CCDC85A: variants seen among roughly 807,000 people sequenced by gnomAD.
The protein encoded by CCDC85A is coiled-coil domain containing 85A.
CCDC85A carries 38 observed loss-of-function variants against 50.2 expected under a neutral mutation model. The ratio of observed to expected loss-of-function variants is 0.76; its 90% confidence interval spans 0.58 to 0.99. The LOEUF is 0.99. Among genes scored for constraint, CCDC85A ranks in the 50% least tolerant of loss-of-function variants. The pLI is 0.00. For synonymous variants in CCDC85A, 366 were observed against 301.4 expected, an observed-to-expected ratio of 1.21 and a Z score of -2.22; for missense variants, 820 against 742.0, an observed-to-expected ratio of 1.11 and a Z score of -1.22.
rs115174943 is a variant in CCDC85A at position 56,344,868 on chromosome 2, T to C, written c.1317+1913T>C. Among the ~76,000 whole-genome samples the C allele has an allele frequency of 3.7e-3, 569 of 152,182 alleles. 2 individuals are homozygous for C. Among genetic ancestry groups the C allele is most frequent in the African/African-American group, 0.013 (546 of 41,518 alleles). On this transcript the variant is annotated intron_variant, in intron 3 of 5. Transcript: ENST00000407595. ...CAAGTGATTTTTGTTCTTAGTTTCC[T>C]TCTGAGAAGGAATTGAGGCTGACAT...
intron 2 of CCDC85A, among the ~76,000 whole-genome samples, chr2:56,252,437 C>A (rs1184574592): frequency 6.6e-6 from 1 of 152,226 alleles, no homozygotes; most frequent in Middle Eastern, 3.4e-3. Flanking sequence ...CTTAGGCTCT[C>A]ATGGGGGTGT....
At chr2:56,304,577 A>T (rs556656162) in intron 2 of CCDC85A, among the ~76,000 whole-genome samples, 2 of 152,174 alleles carry the variant, frequency 1.3e-5, no homozygotes, top group African/African-American at 4.8e-5. Flanking sequence ...CCACAGTAAC[A>T]TTGTGATGAA....
At chr2:56,349,600 C>T (rs1429603138) in intron 3 of CCDC85A, among the ~76,000 whole-genome samples, 1 of 151,988 alleles carries the variant, frequency 6.6e-6, no homozygotes, top group Non-Finnish European at 1.5e-5. Context: ...TTTGAGGGTT[C>T]TTATTTGAGA....
chr2:56,259,119 C>G (rs1042166929), intron 2 of CCDC85A, among the ~76,000 whole-genome samples: 2 of 152,172 alleles, frequency 1.3e-5, no homozygotes, highest in African/African-American at 4.8e-5. Flanking sequence ...CCGTGCTGTG[C>G]TGACCAGTTG....
chr2:56,313,178 C>T (rs1036702800), intron 2 of CCDC85A, among the ~76,000 whole-genome samples: 3 of 152,060 alleles, frequency 2.0e-5, no homozygotes, highest in African/African-American at 4.8e-5. Flanking sequence ...GGCGACTAGT[C>T]ATGTTCTTTT....
chr2:56,250,485 G>A (rs1158581034), intron 2 of CCDC85A, among the ~76,000 whole-genome samples: 2 of 152,196 alleles, frequency 1.3e-5, no homozygotes, highest in Non-Finnish European at 2.9e-5. Flanking sequence ...TCAGGGGAAA[G>A]AAGTTAGGAA....
At chr2:56,351,099 G>A (rs1479575545) in intron 3 of CCDC85A, among the ~76,000 whole-genome samples, 3 of 134,826 alleles carry the variant, frequency 2.2e-5, no homozygotes, top group East Asian at 2.2e-4. Flanking sequence ...GAGAATATGC[G>A]GTGTTTGGTT....
chr2:56,304,808 G>A (rs764932243), intron 2 of CCDC85A, among the ~76,000 whole-genome samples: 71 of 151,960 alleles, frequency 4.7e-4, no homozygotes, highest in African/African-American at 1.7e-3. Context: ...CAGCACTTTG[G>A]GGGGCCAGGG....
chr2:56,320,162 A>G (rs1351483324), intron 2 of CCDC85A, among the ~76,000 whole-genome samples: 1 of 152,200 alleles, frequency 6.6e-6, no homozygotes, highest in African/African-American at 2.4e-5. Flanking sequence ...AATTTATAGC[A>G]CTAAATGCCC....
intron 2 of CCDC85A, among the ~76,000 whole-genome samples, chr2:56,236,593 T>A (rs950227245): frequency 4.6e-5 from 7 of 152,194 alleles, no homozygotes; most frequent in African/African-American, 1.7e-4. Context: ...ATTTTTATTT[T>A]TTATTAACTC....
intron 2 of CCDC85A, among the ~76,000 whole-genome samples, chr2:56,339,365 A>G (rs1296929737): frequency 2.0e-5 from 3 of 152,216 alleles, no homozygotes; most frequent in African/African-American, 7.2e-5. Flanking sequence ...ATTAAAAACG[A>G]GAGAGGATAT....
intron 2 of CCDC85A, among the ~76,000 whole-genome samples, chr2:56,292,067 A>G (rs1342426117): frequency 6.6e-6 from 1 of 152,044 alleles, no homozygotes; most frequent in Non-Finnish European, 1.5e-5. Context: ...ACATTCTGAG[A>G]TGCAGTATAA....
chr2:56,193,133 T>G lies in CCDC85A; in HGVS notation c.933T>G (p.Ser311Arg), dbSNP rs905393753. Residue 311 changes from serine (S) to arginine (R), a missense_variant, in exon 2 of 6, where the codon AGT (serine) becomes AGG (arginine). Physicochemically the swap from Ser to Arg is moderately radical, Grantham distance 110. Coordinates refer to ENST00000407595, the MANE Select transcript of CCDC85A (RefSeq NM_001080433.2). The stretch of plus-strand genomic sequence containing the variant: ...AAACGCTGCCCAAGCACGTGCTGAG[T>G]GGGAGCCCGGAACACTTCCAGAAGC... ...SPETLPKHVL[S>R]GSPEHFQKHR... 6.2e-7 allele frequency: 1 copy of G among 1,611,848 alleles called. No homozygotes were observed. The highest frequency in any genetic ancestry group is 2.2e-5 in the East Asian group (1 of 44,764).
chr2:56,283,000 G>C (rs558995506), intron 2 of CCDC85A, among the ~76,000 whole-genome samples: 2 of 151,726 alleles, frequency 1.3e-5, no homozygotes, highest in African/African-American at 2.4e-5. Context: ...TTTATATATT[G>C]ACCTTGTATC....
At chr2:56,283,281 T>C (rs1195440888) in intron 2 of CCDC85A, among the ~76,000 whole-genome samples, 1 of 152,222 alleles carries the variant, frequency 6.6e-6, no homozygotes, top group African/African-American at 2.4e-5. Flanking sequence ...TTCTTCATAA[T>C]GTTCTTCCTT....
intron 2 of CCDC85A, among the ~76,000 whole-genome samples, chr2:56,258,749 T>C (rs1670093129): frequency 6.6e-6 from 1 of 152,182 alleles, no homozygotes; most frequent in Non-Finnish European, 1.5e-5. Flanking sequence ...AGATCAGGTC[T>C]GGGTTTGGCT....
Position 56,219,343 on chromosome 2 carries a change from C to A in CCDC85A, c.1240+25903C>A, listed in dbSNP as rs1053239601. 2.0e-5 allele frequency among the ~76,000 whole-genome samples: 3 copies of A among 150,798 alleles called. No homozygotes were observed. The Admixed American group carries it at 2.0e-4, about 10-fold the overall frequency. ...AAGAAATAAATGCCAACTTAGAGGA[C>A]GTTCTTCGAACAATAAACAAGACAG... On this transcript the variant is annotated intron_variant, in intron 2 of 5. Transcript: ENST00000407595.
intron 2 of CCDC85A, among the ~76,000 whole-genome samples, chr2:56,266,751 TC>T (rs1324764610): frequency 1.3e-5 from 2 of 152,136 alleles, no homozygotes; most frequent in Non-Finnish European, 2.9e-5. Flanking sequence ...AGTTTCTCTG[TC>T]CCTTTGCCTC....
chr2:56,237,047 G>T (rs796504531), intron 2 of CCDC85A, among the ~76,000 whole-genome samples: 8 of 152,208 alleles, frequency 5.3e-5, no homozygotes, highest in African/African-American at 1.9e-4. Flanking sequence ...TGTGAAAAAT[G>T]CTGATTTGAT....
Sources: gnomAD v4.1 joint callset for allele counts (sites outside exome capture counted in the v4.1 genomes callset) on GRCh38, gnomAD v4.1.1 for gene constraint, MANE v1.5 for transcripts, NCBI Gene and HGNC (gene_info 2026-07-23, HGNC 2026-07-21) for gene names.